Variants in ZFHX3 observed in about 807,000 individuals in gnomAD.
ZFHX3 encodes zinc finger homeobox protein 3.
ZFHX3 carries 42 observed loss-of-function variants against 279.1 expected under a neutral mutation model. The ratio of observed to expected loss-of-function variants is 0.15; its 90% CI spans 0.12 to 0.19. The LOEUF (loss-of-function observed/expected upper bound fraction) is 0.19, where lower values mean the gene tolerates loss of function less well. Among genes scored for constraint, ZFHX3 ranks in the 10% least tolerant of loss-of-function variants. ZFHX3 has a pLI of 1.00. For synonymous variants in ZFHX3, 2,293 were observed against 1,957.8 expected, an observed-to-expected ratio of 1.17 and a Z score of -4.52; for missense variants, 4,981 against 4,754.0, an observed-to-expected ratio of 1.05 and a Z score of -1.40.
At chr16:73,218,964 C>T (rs1308430655) in intron 5 of ZFHX3, among the ~76,000 whole-genome samples, 1 of 152,176 alleles carries the variant, frequency 6.6e-6, no homozygotes, top group Non-Finnish European at 1.5e-5. Flanking sequence ...CCTCTTCCCC[C>T]AGCTTCTGGC....
intron 8 of ZFHX3, among the ~76,000 whole-genome samples, chr16:73,069,964 G>C (rs1180997374): frequency 1.3e-5 from 2 of 152,156 alleles, no homozygotes; most frequent in African/African-American, 4.8e-5. Context: ...GGATTCTAGA[G>C]CTTTCCAGGT....
At chr16:73,050,577 G>A (rs1965430988), upstream of ZFHX3, among the ~76,000 whole-genome samples, 1 of 152,168 alleles carries the variant, frequency 6.6e-6, no homozygotes, top group Non-Finnish European at 1.5e-5. Flanking sequence ...CCTCTTCAGA[G>A]GGAATTGGCA....
chr16:73,318,208 A>T lies in ZFHX3; in HGVS notation c.-1194+32T>A, dbSNP rs1444245416. 3.9e-5 allele frequency: 6 copies of T among 152,058 alleles called. No homozygotes were observed. The East Asian group carries it at 1.2e-3, about 29-fold the overall frequency. The allele number at this position is 152,058 out of a possible 1,614,324, so 9.4% of individuals were successfully genotyped here. ...CAAAACAAAACAAAATAAAACCCCA[A>T]ACCCAACCATAATATAATATCAGAG... is the stretch of plus-strand genomic sequence containing the variant. On this transcript the variant is annotated intron_variant, in intron 4 of 17. Transcript: ENST00000641206.
At chr16:72,898,746 C>CAA (rs34647860) in intron 3 of ZFHX3, among the ~76,000 whole-genome samples, 9,000 of 128,016 alleles carry the variant, frequency 0.07, 440 homozygotes, top group East Asian at 0.21. Flanking sequence ...AACCCTGTCT[C>CAA]AAAAAAAAAA....
intron 7 of ZFHX3, among the ~76,000 whole-genome samples, chr16:73,109,529 G>A (rs1335452438): frequency 6.6e-6 from 1 of 152,142 alleles, no homozygotes; most frequent in Non-Finnish European, 1.5e-5. Context: ...TGCGCAGGAT[G>A]GATACACAAA....
chr16:72,881,804 C>A (rs1276699225), intron 4 of ZFHX3, among the ~76,000 whole-genome samples: 1 of 152,064 alleles, frequency 6.6e-6, no homozygotes, highest in Non-Finnish European at 1.5e-5. Context: ...AGGGACAGCA[C>A]CCCCAAATCC....
intron 1 of ZFHX3, among the ~76,000 whole-genome samples, chr16:72,968,929 T>C (rs1157760960): frequency 6.6e-6 from 1 of 152,148 alleles, no homozygotes; most frequent in Admixed American, 6.5e-5. Flanking sequence ...TATCAGTATA[T>C]ACATACATAC....
At chr16:72,821,485 G>C (rs966985471) in intron 5 of ZFHX3, among the ~76,000 whole-genome samples, 7 of 152,218 alleles carry the variant, frequency 4.6e-5, no homozygotes, top group Admixed American at 2.6e-4. Context: ...CCTAGGATAA[G>C]TGACCTGTGT....
At chr16:73,392,543 G>A (rs1030226138) in intron 3 of ZFHX3, among the ~76,000 whole-genome samples, 83 of 151,748 alleles carry the variant, frequency 5.5e-4, no homozygotes, top group Admixed American at 9.2e-4. Context: ...TTATCCATAA[G>A]GGAGTAGGAG....
At chr16:73,186,780 C>T (rs760157240) in intron 5 of ZFHX3, among the ~76,000 whole-genome samples, 1 of 152,114 alleles carries the variant, frequency 6.6e-6, no homozygotes, top group Non-Finnish European at 1.5e-5. Context: ...ATATTATTGT[C>T]AAGCCTTTAT....
At chr16:73,448,718 G>GTGTGTC (rs933664989) in intron 3 of ZFHX3, among the ~76,000 whole-genome samples, 2 of 150,914 alleles carry the variant, frequency 1.3e-5, no homozygotes, top group African/African-American at 2.5e-5. Flanking sequence ...GTGTGTGTGT[G>GTGTGTC]TGTATCTTCC....
chr16:73,301,722 C>T (rs2143133499), intron 4 of ZFHX3, among the ~76,000 whole-genome samples: 1 of 151,310 alleles, frequency 6.6e-6, no homozygotes, highest in Middle Eastern at 3.5e-3. Flanking sequence ...AGTCTTTCAC[C>T]TCATGATTAT....
chr16:73,202,631 T>G (rs1329582122), intron 5 of ZFHX3, among the ~76,000 whole-genome samples: 1 of 152,212 alleles, frequency 6.6e-6, no homozygotes, highest in Admixed American at 6.5e-5. Flanking sequence ...GAAGATGGAC[T>G]TCGGCCCCAG....
intron 7 of ZFHX3, among the ~76,000 whole-genome samples, chr16:73,112,550 T>C (rs189965390): frequency 1.5e-3 from 223 of 151,388 alleles, no homozygotes; most frequent in African/African-American, 5.3e-3. Flanking sequence ...CTGTCTCTAC[T>C]AAAAATACAA....
At chr16:73,036,531 G>T (rs1964913296) in intron 1 of ZFHX3, among the ~76,000 whole-genome samples, 1 of 152,052 alleles carries the variant, frequency 6.6e-6, no homozygotes, top group Non-Finnish European at 1.5e-5. Flanking sequence ...TCAGAAAGTG[G>T]AAATAACTCC....
chr16:73,460,521 CTTG>C (rs924263503), intron 2 of ZFHX3, among the ~76,000 whole-genome samples: 3 of 152,014 alleles, frequency 2.0e-5, no homozygotes, highest in East Asian at 1.9e-4. Context: ...GGTGTAATTG[CTTG>C]TTGTTGTTGT....
At chr16:72,899,013 T>G (rs1478476508) in intron 3 of ZFHX3, among the ~76,000 whole-genome samples, 1 of 152,132 alleles carries the variant, frequency 6.6e-6, no homozygotes, top group East Asian at 1.9e-4. Flanking sequence ...CTCAAACTAC[T>G]CTCCAGAAAC....
chr16:73,618,174 C>G (rs1277860456), intron 2 of ZFHX3, among the ~76,000 whole-genome samples: 2 of 152,196 alleles, frequency 1.3e-5, no homozygotes, highest in African/African-American at 4.8e-5. Context: ...ATTCAACATT[C>G]AGGGCAGTTC....
chr16:73,555,238 T>G (rs1419123097), intron 2 of ZFHX3, among the ~76,000 whole-genome samples: 10 of 152,024 alleles, frequency 6.6e-5, no homozygotes, highest in Admixed American at 6.5e-4. Context: ...CACTGCAACC[T>G]GTGCCTCCCG....
Sources: gnomAD v4.1 joint callset for allele counts (sites outside exome capture counted in the v4.1 genomes callset) on GRCh38, gnomAD v4.1.1 for gene constraint, MANE v1.5 for transcripts, NCBI Gene and HGNC (gene_info 2026-07-23, HGNC 2026-07-21) for gene names.